The following C12orf54 variants were observed in gnomAD, a reference collection of about 807,000 sequenced individuals.
The protein encoded by C12orf54 is uncharacterized protein C12orf54.
Under a neutral mutation model 26.4 loss-of-function variants are expected in C12orf54, and 24 were observed. The ratio of observed to expected loss-of-function variants is 0.91; its 90% CI spans 0.66 to 1.28. The LOEUF is 1.28. Among genes scored for constraint, C12orf54 ranks in the 50% most tolerant of loss-of-function variants. C12orf54 has a pLI of 0.00. For synonymous variants in C12orf54, 54 were observed against 47.0 expected (o/e 1.15, Z -0.61); for missense variants, 154 against 150.9 (o/e 1.02, Z -0.11).
chr12:48,483,947 AC>A (rs770635979), intron 2 of C12orf54, among the ~76,000 whole-genome samples: 118 of 152,310 alleles, frequency 7.7e-4, no homozygotes, highest in Non-Finnish European at 4.4e-4. Flanking sequence ...TAATCCCAGC[AC>A]TTTGGGAGGC....
the C12orf54 span, among the ~76,000 whole-genome samples, chr12:48,461,514 A>T: frequency 6.6e-6 from 1 of 151,928 alleles, no homozygotes; most frequent in Non-Finnish European, 1.5e-5. Context: ...TAAAATTTTT[A>T]AAATTCAAGT....
chr12:48,486,467 C>G, intron 3 of C12orf54: 1 of 627,156 alleles, frequency 1.6e-6, no homozygotes, highest in African/African-American at 1.8e-5. Context: ...TCTGTTTGTA[C>G]CTGTCATGCA....
chr12:48,452,358 G>C, the C12orf54 span, among the ~76,000 whole-genome samples: 1 of 152,140 alleles, frequency 6.6e-6, no homozygotes, highest in East Asian at 1.9e-4. Context: ...AGATTTAAAT[G>C]TGAAACCCAA....
At chr12:48,458,825 CA>C in the C12orf54 span, among the ~76,000 whole-genome samples, 1 of 151,932 alleles carries the variant, frequency 6.6e-6, no homozygotes, top group Non-Finnish European at 1.5e-5. Context: ...CATGCATGAG[CA>C]GTCATGGACC....
the C12orf54 span, among the ~76,000 whole-genome samples, chr12:48,441,311 C>A: frequency 6.6e-6 from 1 of 152,134 alleles, no homozygotes; most frequent in Non-Finnish European, 1.5e-5. Flanking sequence ...ACCTTTGACT[C>A]TCTCCTTTAG....
chr12:48,472,986 C>T, the C12orf54 span: 1 of 1,614,096 alleles, frequency 6.2e-7, no homozygotes, highest in African/African-American at 1.3e-5. Flanking sequence ...CACAATAGAG[C>T]CCCTGAAAAA....
upstream of C12orf54, among the ~76,000 whole-genome samples, chr12:48,479,662 C>G (rs1954178669): frequency 6.6e-6 from 1 of 151,424 alleles, no homozygotes; most frequent in Non-Finnish European, 1.5e-5. Flanking sequence ...ATTTTCTTAC[C>G]TAGTGGAAAT....
the C12orf54 span, chr12:48,472,535 T>C: frequency 9.5e-7 from 1 of 1,052,640 alleles, no homozygotes. Context: ...TTTGGGTGTG[T>C]TTGGAATTAA....
upstream of C12orf54, among the ~76,000 whole-genome samples, chr12:48,481,451 T>A (rs1954198045): frequency 6.6e-6 from 1 of 152,060 alleles, no homozygotes; most frequent in Admixed American, 6.6e-5. Context: ...AGAGTCTAAT[T>A]TGAAGCACTT....
the C12orf54 span, among the ~76,000 whole-genome samples, chr12:48,461,043 A>G: frequency 6.6e-6 from 1 of 152,030 alleles, no homozygotes; most frequent in African/African-American, 2.4e-5. Flanking sequence ...TAAATATAAT[A>G]CCACAAGGAT....
chr12:48,430,092 A>T, the C12orf54 span, among the ~76,000 whole-genome samples: 27 of 151,982 alleles, frequency 1.8e-4, 2 homozygotes, highest in Non-Finnish European at 3.8e-4. Flanking sequence ...AAATGGTAAT[A>T]AGATAATTGG....
At chr12:48,492,050 G>A (rs1328935784) in intron 6 of C12orf54, among the ~76,000 whole-genome samples, 2 of 152,138 alleles carry the variant, frequency 1.3e-5, no homozygotes, top group African/African-American at 4.8e-5. Context: ...TGAATTCAAG[G>A]ATTTTTATAC....
At chr12:48,471,335 C>G in the C12orf54 span, among the ~76,000 whole-genome samples, 1 of 152,148 alleles carries the variant, frequency 6.6e-6, no homozygotes, top group Non-Finnish European at 1.5e-5. Flanking sequence ...TTTTCTTTAT[C>G]CATCCATCTG....
the C12orf54 span, among the ~76,000 whole-genome samples, chr12:48,474,412 C>G: frequency 6.6e-6 from 1 of 152,290 alleles, no homozygotes; most frequent in East Asian, 1.9e-4. Context: ...GTGGGTGCAG[C>G]ACACAGTGCA....
chr12:48,463,731 C>T, the C12orf54 span, among the ~76,000 whole-genome samples: 1 of 152,050 alleles, frequency 6.6e-6, no homozygotes, highest in African/African-American at 2.4e-5. Flanking sequence ...GCTTAACCAC[C>T]ATGATCAAGT....
chr12:48,492,818 G>C, intron 6 of C12orf54, 129 bp from the exon 7 acceptor site: 1 of 747,400 alleles, frequency 1.3e-6, no homozygotes, highest in Non-Finnish European at 2.4e-6. Flanking sequence ...CCTGTTAGGT[G>C]GTCAGTGTCC....
rs7313900 is a variant in C12orf54 at position 48,488,618 on chromosome 12, C to G, written c.136-306C>G. 2.1e-3 allele frequency: 878 copies of G among 412,788 alleles called. 7 individuals carry two copies. The highest frequency in any genetic ancestry group is 0.017 in the African/African-American group (809 of 49,028). 25.6% of individuals were successfully genotyped at this position (412,788 alleles called of 1,614,324 possible). ...CTATGCTAAGCTTCAGAATAAGAAC[C>G]AATTAGACCGAAAATAAATATAATA... is the stretch of plus-strand genomic sequence containing the variant. On this transcript the variant is annotated intron_variant, in intron 4 of 8. Coordinates refer to ENST00000548364, the MANE Select transcript of C12orf54 (RefSeq NM_152319.4).
At chr12:48,475,304 G>T in the C12orf54 span, among the ~76,000 whole-genome samples, 1 of 151,666 alleles carries the variant, frequency 6.6e-6, no homozygotes, top group Non-Finnish European at 1.5e-5. Context: ...GAAAAAAAGA[G>T]AAGAAAAACC....
At chr12:48,489,066 T>C (rs1267446495) in intron 5 of C12orf54, 110 bp downstream of exon 5, 1 of 1,067,164 alleles carries the variant, frequency 9.4e-7, no homozygotes, top group Non-Finnish European at 1.4e-6. Flanking sequence ...TTTAGCTTCA[T>C]TTATTTTTCT....
Sources: allele counts gnomAD v4.1 joint callset (sites outside exome capture counted in the v4.1 genomes callset), GRCh38; gene constraint gnomAD v4.1.1; transcripts MANE v1.5; gene names NCBI Gene and HGNC (gene_info 2026-07-23, HGNC 2026-07-21).